COBL: variants seen among roughly 807,000 people sequenced by gnomAD.
COBL encodes cordon-bleu WH2 repeat protein.
In COBL, 51 loss-of-function variants were observed where a neutral mutation model predicts 98.8. That is an observed-to-expected ratio of 0.52 (90% CI 0.41 to 0.65). The LOEUF (loss-of-function observed/expected upper bound fraction) is 0.65. COBL is among the 30% of genes least tolerant of loss of function. COBL has a pLI of 0.00. For synonymous variants in COBL, 634 were observed against 651.7 expected, an observed-to-expected ratio of 0.97 and a Z score of 0.41; for missense variants, 1,617 against 1,617.5, an observed-to-expected ratio of 1.00 and a Z score of 0.01.
At chr7:51,164,596 T>C (rs1787115422) in intron 5 of COBL, among the ~76,000 whole-genome samples, 1 of 152,056 alleles carries the variant, frequency 6.6e-6, no homozygotes, top group African/African-American at 2.4e-5. Flanking sequence ...AAATCTGACC[T>C]ACAAGAAATG....
chr7:51,287,907 C>T (rs1467428681), intron 1 of COBL, among the ~76,000 whole-genome samples: 2 of 152,108 alleles, frequency 1.3e-5, no homozygotes, highest in Non-Finnish European at 2.9e-5. Flanking sequence ...AGGCAGTATG[C>T]TGTGCGAAAG....
At chr7:51,198,159 A>G (rs1355012850) in intron 2 of COBL, among the ~76,000 whole-genome samples, 1 of 152,118 alleles carries the variant, frequency 6.6e-6, no homozygotes, top group Non-Finnish European at 1.5e-5. Context: ...TTTCCTTTCC[A>G]TATTTAGTGC....
intron 7 of COBL, among the ~76,000 whole-genome samples, chr7:51,078,829 AGGGCCTCAGCGC>A (rs570202706): frequency 2.6e-4 from 40 of 152,334 alleles, no homozygotes; most frequent in Non-Finnish European, 4.3e-4. Context: ...CAGTGGACAA[AGGGCCTCAGCGC>A]CTCGCTGGCA....
At chr7:51,099,737 C>T (rs1795647185) in intron 6 of COBL, among the ~76,000 whole-genome samples, 1 of 151,826 alleles carries the variant, frequency 6.6e-6, no homozygotes, top group South Asian at 2.1e-4. Flanking sequence ...TTTTTTTAAC[C>T]ACAATTTTTT....
At chr7:51,210,500 G>A (rs1275532270) in intron 2 of COBL, among the ~76,000 whole-genome samples, 1 of 152,200 alleles carries the variant, frequency 6.6e-6, no homozygotes, top group East Asian at 1.9e-4. Context: ...GCTGCCAGGA[G>A]CTCCAGCTTT....
At chr7:51,187,329 TATACACACACAC>T (rs1251386120) in intron 4 of COBL, among the ~76,000 whole-genome samples, 2 of 142,404 alleles carry the variant, frequency 1.4e-5, no homozygotes, top group Non-Finnish European at 3.0e-5. Flanking sequence ...TATATATATA[TATACACACACAC>T]ACACACACAC....
At chr7:51,131,110 C>T (rs1260237389) in intron 6 of COBL, among the ~76,000 whole-genome samples, 1 of 152,144 alleles carries the variant, frequency 6.6e-6, no homozygotes, top group Admixed American at 6.5e-5. Context: ...CCATCACTAG[C>T]AATTTCAGTC....
chr7:51,049,941 T>G (rs1254981829), intron 7 of COBL, among the ~76,000 whole-genome samples: 2 of 152,180 alleles, frequency 1.3e-5, no homozygotes, highest in African/African-American at 4.8e-5. Context: ...CTAATTGATT[T>G]CCTAGGCACA....
intron 6 of COBL, among the ~76,000 whole-genome samples, chr7:51,085,589 G>A (rs1459984145): frequency 2.6e-5 from 4 of 152,152 alleles, no homozygotes; most frequent in African/African-American, 9.7e-5. Context: ...ATTTTCTAGG[G>A]ACTCCAGGCA....
intron 2 of COBL, among the ~76,000 whole-genome samples, chr7:51,198,884 A>C (rs899225990): frequency 2.0e-5 from 3 of 152,188 alleles, no homozygotes; most frequent in Non-Finnish European, 4.4e-5. Flanking sequence ...GAGGTTGTGA[A>C]ACCCTGGTAG....
At chr7:51,080,803 A>T (rs1793577344) in intron 7 of COBL, among the ~76,000 whole-genome samples, 1 of 152,224 alleles carries the variant, frequency 6.6e-6, no homozygotes, top group Non-Finnish European at 1.5e-5. Context: ...CATGGGCCAC[A>T]GGGACGCACA....
intron 2 of COBL, among the ~76,000 whole-genome samples, chr7:51,216,614 T>A (rs1457325860): frequency 1.3e-5 from 2 of 152,138 alleles, no homozygotes; most frequent in Admixed American, 1.3e-4. Flanking sequence ...AATTCTCATG[T>A]CTTAATCTGT....
At chr7:51,053,587 G>A (rs116478578) in intron 7 of COBL, among the ~76,000 whole-genome samples, 1 of 152,250 alleles carries the variant, frequency 6.6e-6, no homozygotes, top group Non-Finnish European at 1.5e-5. Flanking sequence ...GCATGCTGAA[G>A]AACAGACAAT....
chr7:51,162,779 C>CT (rs1297134450), intron 5 of COBL, among the ~76,000 whole-genome samples: 1 of 152,232 alleles, frequency 6.6e-6, no homozygotes, highest in Non-Finnish European at 1.5e-5. Flanking sequence ...GAAAGCTCGG[C>CT]TTTAACACCC....
At chr7:51,260,399 A>G (rs1797607298) in intron 1 of COBL, among the ~76,000 whole-genome samples, 1 of 152,234 alleles carries the variant, frequency 6.6e-6, no homozygotes, top group South Asian at 2.1e-4. Context: ...GACATTTACT[A>G]TTTATCTTCC....
chr7:51,222,140 G>A lies in COBL; in HGVS notation c.42-2196C>T, dbSNP rs553545168. Among the ~76,000 whole-genome samples, 182 of 152,238 alleles carry A rather than the reference G, an allele frequency of 1.2e-3. 1 individual carries two copies. Among genetic ancestry groups the A allele is most frequent in the African/African-American group, 4.3e-3 (179 of 41,546 alleles). ...GGAAGCAGAGGTTGCAGTGAGCCGA[G>A]ATCGCACCACTGCACCCCAGCCTGG... On this transcript the variant is annotated intron_variant, in intron 1 of 12. Coordinates refer to ENST00000265136, the MANE Select transcript of COBL (RefSeq NM_015198.5).
intron 1 of COBL, among the ~76,000 whole-genome samples, chr7:51,300,406 C>A (rs141828523): frequency 0.044 from 6,662 of 152,256 alleles, 301 homozygotes; most frequent in African/African-American, 0.11. Context: ...GGTGATCTGC[C>A]TGCCTTAGCC....
chr7:51,067,421 C>T (rs1272558331), intron 7 of COBL, among the ~76,000 whole-genome samples: 1 of 152,240 alleles, frequency 6.6e-6, no homozygotes, highest in Non-Finnish European at 1.5e-5. Context: ...GTTTAAGATA[C>T]ACAATGTGCA....
intron 1 of COBL, among the ~76,000 whole-genome samples, chr7:51,246,042 T>C (rs2129130301): frequency 6.6e-6 from 1 of 152,340 alleles, no homozygotes; most frequent in East Asian, 1.9e-4. Flanking sequence ...GTGGTATGTA[T>C]GTGTCATTTA....
Sources: allele counts gnomAD v4.1 joint callset (sites outside exome capture counted in the v4.1 genomes callset), GRCh38; gene constraint gnomAD v4.1.1; transcripts MANE v1.5; gene names NCBI Gene and HGNC (gene_info 2026-07-23, HGNC 2026-07-21).